The following GGA3 variants were observed in gnomAD, a reference collection of about 807,000 sequenced individuals.
GGA3 encodes the protein golgi associated, gamma adaptin ear containing, ARF binding protein 3.
GGA3 carries 57 observed loss-of-function variants against 77.5 expected under a neutral mutation model. The observed-to-expected ratio is 0.74, with a 90% CI of 0.59 to 0.92. The LOEUF (loss-of-function observed/expected upper bound fraction) is 0.92. Ranked by LOEUF, GGA3 falls within the 40% of genes least tolerant of loss-of-function variation. GGA3 has a pLI of 0.00. For missense variants in GGA3, 970 were observed against 914.9 expected, an observed-to-expected ratio of 1.06 and a Z score of -0.78; for synonymous variants, 416 against 383.7, an observed-to-expected ratio of 1.08 and a Z score of -0.98.
intron 1 of GGA3, among the ~76,000 whole-genome samples, chr17:75,254,416 T>G (rs1294899935): frequency 6.6e-6 from 1 of 152,084 alleles, no homozygotes; most frequent in African/African-American, 2.4e-5. Flanking sequence ...ATAGTCAAGG[T>G]TAATGCTCCT....
intron 3 of GGA3, among the ~76,000 whole-genome samples, chr17:75,245,803 C>T (rs2076735979): frequency 6.8e-6 from 1 of 146,386 alleles, no homozygotes; most frequent in Admixed American, 6.6e-5. Context: ...ACTATAGGTA[C>T]AAGCCACCGT....
chr17:75,248,392 A>AC (rs1209052075), intron 1 of GGA3, among the ~76,000 whole-genome samples: 2 of 137,066 alleles, frequency 1.5e-5, no homozygotes, highest in East Asian at 2.3e-4. Context: ...AATGGCGCGA[A>AC]CCCGGGGGGT....
intron 1 of GGA3, among the ~76,000 whole-genome samples, chr17:75,252,072 GTTTTT>G (rs372452392): frequency 7.1e-6 from 1 of 141,374 alleles, no homozygotes; most frequent in Non-Finnish European, 1.6e-5. Context: ...GGCGTCTTTC[GTTTTT>G]TTTTTTCTTT....
At chr17:75,241,865 ACAC>A (rs2145499448) in intron 8 of GGA3, 169 bp from the exon 9 acceptor site, 2 of 654,154 alleles carry the variant, frequency 3.1e-6, no homozygotes, top group African/African-American at 1.8e-5. Context: ...CACCACCACC[ACAC>A]CACATCACCC....
At chr17:75,261,101 G>A (rs1041416158) in intron 1 of GGA3, among the ~76,000 whole-genome samples, 1 of 152,230 alleles carries the variant, frequency 6.6e-6, no homozygotes, top group African/African-American at 2.4e-5. Flanking sequence ...GCTGCCAGGC[G>A]ACTGAACGCA....
intron 3 of GGA3, 133 bp from the exon 4 acceptor site, chr17:75,244,850 T>C: frequency 1.5e-6 from 1 of 680,372 alleles, no homozygotes; most frequent in Middle Eastern, 3.8e-4. Flanking sequence ...CGAAAAGCAG[T>C]GTGCACTGCC....
At chr17:75,243,647 A>G (rs938865046) in intron 4 of GGA3, 77 bp from the exon 5 acceptor site, 2 of 1,414,398 alleles carry the variant, frequency 1.4e-6, no homozygotes, top group African/African-American at 2.8e-5. Context: ...CTCCACAGCA[A>G]TGGCGTGGCT....
In GGA3 at chr17:75,257,096, C is replaced by T. The variant is rs1192218018; in HGVS notation, c.40+4452G>A. The stretch of plus-strand genomic sequence containing the variant: ...GAACGGACTAAAGGTCTTTTAAAAA[C>T]ACTTCACCAAGCTCAGCCACCAACT... On this transcript the variant is annotated intron_variant, in intron 1 of 16. Coordinates refer to ENST00000537686, the MANE Select transcript of GGA3 (RefSeq NM_138619.4). 5.3e-5 allele frequency among the ~76,000 whole-genome samples: 8 copies of T among 152,106 alleles called. No individual in the cohort carries two copies. The South Asian group carries it at 1.5e-3, about 28-fold the overall frequency.
At chr17:75,259,737 C>T (rs552540689) in intron 1 of GGA3, among the ~76,000 whole-genome samples, 220 of 149,576 alleles carry the variant, frequency 1.5e-3, no homozygotes, top group Non-Finnish European at 2.7e-3. Context: ...CGATGCTGAA[C>T]CCCAACTGCT....
intron 1 of GGA3, among the ~76,000 whole-genome samples, chr17:75,254,357 C>T (rs1168632878): frequency 6.6e-6 from 1 of 152,160 alleles, no homozygotes; most frequent in African/African-American, 2.4e-5. Context: ...CTGGCCCTCC[C>T]CCACCTGCCC....
intron 16 of GGA3, 33 bp downstream of exon 16, chr17:75,238,619 C>T (rs753363983): frequency 3.0e-5 from 44 of 1,490,092 alleles, no homozygotes; most frequent in Non-Finnish European, 3.9e-5. Context: ...GCTGGGGCCT[C>T]AGGCTGGGAC....
chr17:75,259,119 ATT>A (rs1194257713), intron 1 of GGA3, among the ~76,000 whole-genome samples: 3 of 151,672 alleles, frequency 2.0e-5, no homozygotes, highest in Non-Finnish European at 4.4e-5. Context: ...ACGCCTGGCT[ATT>A]TTTTTGTATT....
chr17:75,244,677 T>G lies in GGA3; in HGVS notation c.242A>C (p.His81Pro). 1 of 1,614,084 alleles carries G rather than the reference T, an allele frequency of 6.2e-7. No individual in the cohort carries two copies. Residue 81 changes from histidine (H) to proline (P), a missense_variant, in exon 4 of 17, where the codon CAT (histidine) becomes CCT (proline). Transcript: ENST00000537686. ...AAAGCGGAACTTCCCCACTTCGTTA[T>G]GAAATCTCCTCCCACAGTTCTTCAT... ...ACMKNCGRRFHNEVGKFRFLN... is the reference protein window; with the variant it reads ...ACMKNCGRRFPNEVGKFRFLN...
intron 1 of GGA3, among the ~76,000 whole-genome samples, chr17:75,250,342 C>G (rs2145560939): frequency 6.6e-6 from 1 of 152,310 alleles, no homozygotes; most frequent in Non-Finnish European, 1.5e-5. Context: ...GGATTTCCTG[C>G]TTTCATTTTT....
Position 75,258,037 on chromosome 17 carries a change from A to T in GGA3, c.40+3511T>A, listed in dbSNP as rs186609028. 1.4e-3 allele frequency among the ~76,000 whole-genome samples: 218 copies of T among 151,882 alleles called. 1 individual carries two copies. The highest frequency in any genetic ancestry group is 9.7e-4 in the East Asian group (5 of 5,174). ...ATCAATGTACTTTGTAATCTCCCCC[A>T]CCCTTAAGAAGGTTCTTCGTAATTC... On this transcript the variant is annotated intron_variant, in intron 1 of 16. Coordinates refer to ENST00000537686, the MANE Select transcript of GGA3 (RefSeq NM_138619.4).
chr17:75,253,606 C>T (rs2077044134), intron 1 of GGA3, among the ~76,000 whole-genome samples: 1 of 152,240 alleles, frequency 6.6e-6, no homozygotes, highest in Non-Finnish European at 1.5e-5. Context: ...ACCCCTTCTC[C>T]TTCACCCTTA....
At position 75,240,366 on chromosome 17, in the gene GGA3, C is replaced by A; in HGVS notation, c.1239G>T (p.Gly413=). The A allele has an allele frequency of 3.1e-6, 5 of 1,599,274 alleles. No homozygotes were observed. Among genetic ancestry groups the A allele is most frequent in the Non-Finnish European group, 4.3e-6 (5 of 1,173,860 alleles). The change falls in exon 12 of 17, where the codon GGG becomes GGT. Residue 413 remains glycine (G), a synonymous_variant. Transcript: ENST00000537686. ...APNVPPKESA[G]NSQWHLLQRE... is the part of the protein sequence containing the mutation. The stretch of plus-strand genomic sequence containing the variant: ...CCTGGAGCAGGTGCCACTGGCTGTT[C>A]CCAGCTGACTCTTTGGGAGGAACAT...
chr17:75,258,448 T>C (rs1444565428), intron 1 of GGA3, among the ~76,000 whole-genome samples: 1 of 152,084 alleles, frequency 6.6e-6, no homozygotes, highest in African/African-American at 2.4e-5. Flanking sequence ...GGCAGGTGGC[T>C]CACTTGAGGT....
Position 75,261,568 on chromosome 17 carries a change from T to C in GGA3, c.20A>G (p.Glu7Gly). The change falls in exon 1 of 17, where the codon GAA (glutamate) becomes GGA (glycine). Residue 7 changes from glutamate (E) to glycine (G), a missense_variant. Glu to Gly is a moderately conservative substitution (Grantham distance 98). Transcript: ENST00000537686. The stretch of plus-strand genomic sequence containing the variant: ...CTCACTGAGCCAGGACTCCAGGCTT[T>C]CCCCTTCCGCCTCCGCCATATTGCA... Reference protein sequence around the residue: MAEAEGESLESWLNKAT... With the variant: MAEAEGGSLESWLNKAT... 2 of 1,554,020 alleles carry C rather than the reference T, an allele frequency of 1.3e-6. No homozygotes were observed. The highest frequency in any genetic ancestry group is 2.0e-5 in the Admixed American group (1 of 49,742).
Sources: allele counts gnomAD v4.1 joint callset (sites outside exome capture counted in the v4.1 genomes callset), GRCh38; gene constraint gnomAD v4.1.1; transcripts MANE v1.5; gene names NCBI Gene and HGNC (gene_info 2026-07-23, HGNC 2026-07-21).